IL1RAP: variants seen among roughly 807,000 people sequenced by gnomAD.
IL1RAP encodes the protein interleukin 1 receptor accessory protein.
IL1RAP carries 35 observed loss-of-function variants against 60.7 expected under a neutral mutation model. The ratio of observed to expected loss-of-function variants is 0.58; its 90% CI spans 0.44 to 0.76. IL1RAP has a LOEUF of 0.76. Among genes scored for constraint, IL1RAP ranks in the 30% least tolerant of loss-of-function variants. The probability of loss-of-function intolerance (pLI) is 0.00; values close to 1 mark genes in which losing one functional copy is unlikely to be tolerated. For missense variants in IL1RAP, 572 were observed against 693.9 expected (o/e 0.82, Z 1.97); for synonymous variants, 268 against 250.9 (o/e 1.07, Z -0.64).
intron 3 of IL1RAP, among the ~76,000 whole-genome samples, chr3:190,593,685 A>G (rs1729136743): frequency 6.6e-6 from 1 of 152,112 alleles, no homozygotes; most frequent in African/African-American, 2.4e-5. Context: ...TATTCATATT[A>G]TGAGAACAGC....
chr3:190,516,049 A>G (rs3773999), intron 1 of IL1RAP, among the ~76,000 whole-genome samples: 57,015 of 152,030 alleles, frequency 0.38, 12,145 homozygotes, highest in African/African-American at 0.58. Flanking sequence ...TTCATGCAAT[A>G]ATTTACTACT....
chr3:190,599,140 G>C (rs1309471782), intron 3 of IL1RAP, among the ~76,000 whole-genome samples: 1 of 152,148 alleles, frequency 6.6e-6, no homozygotes, highest in East Asian at 1.9e-4. Context: ...CCAAGCCCTG[G>C]TGCATAAATT....
At chr3:190,530,315 T>G (rs1722883415) in intron 1 of IL1RAP, among the ~76,000 whole-genome samples, 1 of 152,074 alleles carries the variant, frequency 6.6e-6, no homozygotes, top group Admixed American at 6.6e-5. Flanking sequence ...TATTCTCGAG[T>G]AAGGGAGGGG....
At chr3:190,587,485 T>C (rs1728565533) in intron 3 of IL1RAP, among the ~76,000 whole-genome samples, 1 of 152,232 alleles carries the variant, frequency 6.6e-6, no homozygotes, top group Non-Finnish European at 1.5e-5. Context: ...GTGGTCACAC[T>C]GGCAGAATTA....
At chr3:190,634,715 TTTTG>T (rs1218347439) in intron 9 of IL1RAP, among the ~76,000 whole-genome samples, 3 of 142,808 alleles carry the variant, frequency 2.1e-5, no homozygotes, top group African/African-American at 8.6e-5. Flanking sequence ...GTGTTTTTTT[TTTTG>T]TTGTTGTTTT....
At chr3:190,636,280 T>C (rs1283096902) in intron 9 of IL1RAP, among the ~76,000 whole-genome samples, 1 of 152,230 alleles carries the variant, frequency 6.6e-6, no homozygotes, top group Non-Finnish European at 1.5e-5. Context: ...ATATACTTTG[T>C]TATTCAGTTA....
chr3:190,571,247 C>T (rs1248077109), intron 3 of IL1RAP, among the ~76,000 whole-genome samples: 1 of 152,034 alleles, frequency 6.6e-6, no homozygotes, highest in African/African-American at 2.4e-5. Context: ...CACACTGGCT[C>T]ATGCCTATAA....
intron 3 of IL1RAP, among the ~76,000 whole-genome samples, chr3:190,573,981 T>C (rs1258271405): frequency 6.6e-6 from 1 of 152,126 alleles, no homozygotes; most frequent in Non-Finnish European, 1.5e-5. Flanking sequence ...ATTCAAAAAA[T>C]TGAATGAACT....
chr3:190,632,803 T>C (rs1732899922), intron 9 of IL1RAP, among the ~76,000 whole-genome samples: 1 of 152,182 alleles, frequency 6.6e-6, no homozygotes, highest in Admixed American at 6.5e-5. Flanking sequence ...TAGTGTTTTG[T>C]TTTTCCACAT....
intron 3 of IL1RAP, among the ~76,000 whole-genome samples, chr3:190,579,760 G>T (rs1157877840): frequency 6.6e-6 from 1 of 152,084 alleles, no homozygotes; most frequent in Non-Finnish European, 1.5e-5. Context: ...CAAGCCCTAG[G>T]CAACCAGTAG....
intron 9 of IL1RAP, chr3:190,629,999 A>G (rs1732646613): frequency 2.3e-6 from 2 of 860,180 alleles, no homozygotes; most frequent in Admixed American, 6.2e-5. Flanking sequence ...TAGAAGCATT[A>G]TCTGTAGTTG....
At chr3:190,521,573 TAG>T (rs532585791) in intron 1 of IL1RAP, among the ~76,000 whole-genome samples, 5 of 152,090 alleles carry the variant, frequency 3.3e-5, no homozygotes, top group South Asian at 2.1e-4. Flanking sequence ...ATGTCTAAGG[TAG>T]AGTGTTTTAT....
intron 7 of IL1RAP, among the ~76,000 whole-genome samples, chr3:190,626,669 T>TC (rs1321162674): frequency 7.0e-6 from 1 of 143,504 alleles, no homozygotes; most frequent in Non-Finnish European, 1.5e-5. Flanking sequence ...GAGACCTTTT[T>TC]TTTTTTTTTT....
At chr3:190,653,167 AGAT>A (rs1414194226), downstream of IL1RAP, among the ~76,000 whole-genome samples, 1 of 152,226 alleles carries the variant, frequency 6.6e-6, no homozygotes, top group Non-Finnish European at 1.5e-5. Flanking sequence ...CCACATAGTA[AGAT>A]GATATTTTAA....
At chr3:190,564,187 C>T in intron 2 of IL1RAP, 102 bp from the exon 3 acceptor site, 4 of 723,004 alleles carry the variant, frequency 5.5e-6, no homozygotes, top group Non-Finnish European at 1.0e-5. Context: ...ATTCTTAGAA[C>T]AGTCCCTAGT....
intron 5 of IL1RAP, among the ~76,000 whole-genome samples, chr3:190,618,442 C>A (rs1015368979): frequency 6.6e-6 from 1 of 152,040 alleles, no homozygotes; most frequent in Non-Finnish European, 1.5e-5. Context: ...GATGAAAGAC[C>A]GTTATTCGGC....
At position 190,623,342 on chromosome 3, in the gene IL1RAP, A is replaced by G. The variant is rs1202272689; in HGVS notation, c.704-2A>G. ...CTCCCTTTTTTATTTCCTCTAACAC[A>G]GGCTCTCCAAAAAATGCAGTGCCCC... On this transcript the variant is annotated splice_acceptor_variant, in intron 6 of 11. Coordinates refer to ENST00000447382, the MANE Select transcript of IL1RAP (RefSeq NM_002182.4). LOFTEE classifies it high-confidence loss of function. The G allele has an allele frequency of 1.2e-6, 2 of 1,611,006 alleles. No homozygotes were observed. The highest frequency in any genetic ancestry group is 1.7e-5 in the Admixed American group (1 of 60,016).
At chr3:190,598,241 C>T (rs1729552515) in intron 3 of IL1RAP, among the ~76,000 whole-genome samples, 1 of 152,176 alleles carries the variant, frequency 6.6e-6, no homozygotes, top group Admixed American at 6.5e-5. Flanking sequence ...ATACCAATGG[C>T]AGTGACATCT....
intron 3 of IL1RAP, among the ~76,000 whole-genome samples, chr3:190,596,203 C>G (rs1729365592): frequency 6.6e-6 from 1 of 152,206 alleles, no homozygotes; most frequent in Admixed American, 6.5e-5. Flanking sequence ...CTGTCTACCC[C>G]AGCACCTAGC....
Sources: allele counts gnomAD v4.1 joint callset (sites outside exome capture counted in the v4.1 genomes callset), GRCh38; gene constraint gnomAD v4.1.1; transcripts MANE v1.5; gene names NCBI Gene and HGNC (gene_info 2026-07-23, HGNC 2026-07-21).